Variants in LPIN2 observed in about 807,000 individuals in gnomAD.
LPIN2 encodes phosphatidate phosphatase LPIN2.
In LPIN2, 55 loss-of-function variants were observed where a neutral mutation model predicts 111.4. The ratio of observed to expected loss-of-function variants is 0.49; its 90% CI spans 0.40 to 0.62. LPIN2 has a LOEUF of 0.62. Ranked by LOEUF, LPIN2 falls within the 20% of genes least tolerant of loss-of-function variation. LPIN2 has a pLI of 0.00. For synonymous variants in LPIN2, 425 were observed against 414.0 expected, an observed-to-expected ratio of 1.03 and a Z score of -0.32; for missense variants, 992 against 1,112.1, an observed-to-expected ratio of 0.89 and a Z score of 1.54.
At chr18:2,943,508 C>T (rs1307169489) in intron 4 of LPIN2, among the ~76,000 whole-genome samples, 3 of 152,038 alleles carry the variant, frequency 2.0e-5, no homozygotes, top group Non-Finnish European at 4.4e-5. Context: ...TACAATAACT[C>T]ACTGCTTCAA....
chr18:2,959,934 C>T lies in LPIN2; in HGVS notation c.192+715G>A, dbSNP rs531113403. 2.6e-3 allele frequency among the ~76,000 whole-genome samples: 391 copies of T among 152,024 alleles called. 1 individual carries two copies. The highest frequency in any genetic ancestry group is 0.01 in the Middle Eastern group (3 of 294). ...TCCCAGAACTTTGGGAGGCCGAGGC[C>T]GAAGCCGGTGGATCACTTGAGGTCA... is the stretch of plus-strand genomic sequence containing the variant. On this transcript the variant is annotated intron_variant, in intron 2 of 19. Coordinates refer to ENST00000677752, the MANE Select transcript of LPIN2 (RefSeq NM_001375808.2).
At chr18:2,973,972 A>G (rs1175480775) in intron 1 of LPIN2, among the ~76,000 whole-genome samples, 3 of 152,244 alleles carry the variant, frequency 2.0e-5, no homozygotes, top group East Asian at 1.9e-4. Flanking sequence ...TCTGTACTAT[A>G]AACATTTGTG....
chr18:3,001,077 C>A (rs1324069786), intron 1 of LPIN2, among the ~76,000 whole-genome samples: 1 of 152,190 alleles, frequency 6.6e-6, no homozygotes, highest in Non-Finnish European at 1.5e-5. Flanking sequence ...TATTTCCATT[C>A]TAGCATTCTA....
intron 1 of LPIN2, chr18:3,011,956 G>A (rs1007340420): frequency 6.6e-6 from 1 of 152,332 alleles, no homozygotes; most frequent in Non-Finnish European, 1.5e-5. Context: ...TCAATCTGAA[G>A]CCACTAAGAA....
intron 1 of LPIN2, among the ~76,000 whole-genome samples, chr18:2,971,145 C>G (rs1193813162): frequency 1.3e-5 from 2 of 152,206 alleles, no homozygotes; most frequent in African/African-American, 2.4e-5. Flanking sequence ...CTTCTACCCA[C>G]CCCAGTCATC....
intron 1 of LPIN2, among the ~76,000 whole-genome samples, chr18:2,994,274 A>G (rs1240729828): frequency 1.3e-5 from 2 of 152,218 alleles, no homozygotes; most frequent in African/African-American, 4.8e-5. Context: ...GACCTCTAGG[A>G]AAGTTTTTTG....
At chr18:2,956,427 C>T (rs1045899105) in intron 2 of LPIN2, among the ~76,000 whole-genome samples, 4 of 151,916 alleles carry the variant, frequency 2.6e-5, no homozygotes, top group Admixed American at 6.6e-5. Flanking sequence ...GTTACGAGCA[C>T]GCCTAATAAG....
At chr18:2,985,640 T>C (rs997774010) in intron 1 of LPIN2, among the ~76,000 whole-genome samples, 13 of 152,290 alleles carry the variant, frequency 8.5e-5, no homozygotes, top group African/African-American at 3.1e-4. Flanking sequence ...CTACTACTAA[T>C]CCCATAAGTA....
intron 1 of LPIN2, among the ~76,000 whole-genome samples, chr18:3,011,454 G>GT (rs1410129631): frequency 1.3e-5 from 2 of 152,052 alleles, no homozygotes; most frequent in Admixed American, 1.3e-4. Flanking sequence ...GGAGGCCGAG[G>GT]GGGGCGGATC....
chr18:2,952,096 A>G (rs1249057574), intron 3 of LPIN2, among the ~76,000 whole-genome samples: 1 of 152,186 alleles, frequency 6.6e-6, no homozygotes, highest in Non-Finnish European at 1.5e-5. Flanking sequence ...TCCTTTTTGT[A>G]TCATCAGAGG....
Position 2,939,522 on chromosome 18 carries a change from A to G in LPIN2, c.780T>C (p.Ser260=). 6.2e-7 allele frequency: 1 copy of G among 1,614,044 alleles called. No individual in the cohort carries two copies. Among genetic ancestry groups the G allele is most frequent in the South Asian group, 1.1e-5 (1 of 91,084 alleles). ...ATCCGCCCCACGTCCACTCCATGTG[A>G]GACTCTGATCTGAGCAGGCTCTCCG... The part of the protein sequence containing the change: ...KPAESLLRSE[S]HMEWTWGGFP... The change falls in exon 6 of 20, where the codon TCT becomes TCC. Residue 260 remains serine (S), a synonymous_variant. Transcript: ENST00000677752.
At chr18:3,007,314 G>A (rs1567867885) in intron 1 of LPIN2, among the ~76,000 whole-genome samples, 2 of 152,094 alleles carry the variant, frequency 1.3e-5, no homozygotes, top group South Asian at 4.1e-4. Flanking sequence ...TGGGACTACA[G>A]GTGCCCCCCA....
At chr18:2,966,268 A>G (rs1336861699) in intron 1 of LPIN2, among the ~76,000 whole-genome samples, 1 of 152,178 alleles carries the variant, frequency 6.6e-6, no homozygotes, top group African/African-American at 2.4e-5. Flanking sequence ...CCACTATTTT[A>G]AGTGTTTCAA....
intron 1 of LPIN2, chr18:2,991,006 G>A: frequency 1.8e-6 from 1 of 569,306 alleles, no homozygotes; most frequent in Non-Finnish European, 3.5e-6. Flanking sequence ...AATGATGCCT[G>A]GGCCCCCAAT....
Position 2,920,091 on chromosome 18 carries a change from C to A in LPIN2, c.*202G>T. On this transcript the variant is annotated 3_prime_UTR_variant, in exon 20 of 20. Coordinates refer to ENST00000677752, the MANE Select transcript of LPIN2 (RefSeq NM_001375808.2). ...CCTCCAGCCCCAGGCCCAGTTCCTCCCTTCTCCTTCCAGGAGCTGAGCTGC... is the reference window on the plus strand; with the variant it reads ...CCTCCAGCCCCAGGCCCAGTTCCTCACTTCTCCTTCCAGGAGCTGAGCTGC... The A allele has an allele frequency of 1.5e-6, 1 of 656,550 alleles. No individual in the cohort carries two copies. The highest frequency in any genetic ancestry group is 1.8e-5 in the South Asian group (1 of 54,758). The allele number at this position is 656,550 out of a possible 1,614,324, so 40.7% of individuals were successfully genotyped here.
At chr18:2,943,313 A>G (rs1378636838) in intron 4 of LPIN2, among the ~76,000 whole-genome samples, 2 of 152,148 alleles carry the variant, frequency 1.3e-5, no homozygotes, top group African/African-American at 4.8e-5. Context: ...TTTATGTATG[A>G]GTCTAAGATA....
At chr18:2,982,308 T>C (rs1405926976) in intron 1 of LPIN2, among the ~76,000 whole-genome samples, 1 of 152,186 alleles carries the variant, frequency 6.6e-6, no homozygotes, top group Non-Finnish European at 1.5e-5. Flanking sequence ...TGATTTTTAC[T>C]ACTACACTTA....
chr18:2,956,108 CA>C (rs2077608903), intron 2 of LPIN2, among the ~76,000 whole-genome samples: 1 of 152,102 alleles, frequency 6.6e-6, no homozygotes, highest in Admixed American at 6.5e-5. Context: ...AATACATTCA[CA>C]GAGATTTGAG....
Position 2,920,263 on chromosome 18 carries a change from C to G in LPIN2, c.*30G>C. 8 of 1,613,842 alleles carry G rather than the reference C, an allele frequency of 5.0e-6. No individual in the cohort carries two copies. The South Asian group carries it at 6.6e-5, about 13-fold the overall frequency. The stretch of plus-strand genomic sequence containing the variant: ...CTTCCCTTGCTGTGGGGAGGGGGAC[C>G]AAGCCCTGCCCACCCACTGAGGTGC... On this transcript the variant is annotated 3_prime_UTR_variant, in exon 20 of 20. Coordinates refer to ENST00000677752, the MANE Select transcript of LPIN2 (RefSeq NM_001375808.2).
Sources: allele counts gnomAD v4.1 joint callset (sites outside exome capture counted in the v4.1 genomes callset), GRCh38; gene constraint gnomAD v4.1.1; transcripts MANE v1.5; gene names NCBI Gene and HGNC (gene_info 2026-07-23, HGNC 2026-07-21).